The following LDLRAD3 variants were observed in gnomAD, a reference collection of about 807,000 sequenced individuals.
LDLRAD3 encodes the protein low density lipoprotein receptor class A domain containing 3, also known as low-density lipoprotein receptor class A domain-containing protein 3.
LDLRAD3 carries 20 observed loss-of-function variants against 29.4 expected under a neutral mutation model. That is an observed-to-expected ratio of 0.68 (90% CI 0.48 to 0.99). The LOEUF is 0.99. Ranked by LOEUF, LDLRAD3 falls within the 50% of genes least tolerant of loss-of-function variation. The pLI is 0.00. For synonymous variants in LDLRAD3, 157 were observed against 192.7 expected, an observed-to-expected ratio of 0.81 and a Z score of 1.53; for missense variants, 420 against 454.3, an observed-to-expected ratio of 0.92 and a Z score of 0.69.
intron 4 of LDLRAD3, among the ~76,000 whole-genome samples, chr11:36,209,644 C>T (rs1346858421): frequency 6.6e-6 from 1 of 152,088 alleles, no homozygotes; most frequent in African/African-American, 2.4e-5. Context: ...AGGTGTGAAC[C>T]ACCATGCCTG....
At chr11:36,025,449 T>C (rs1487106018) in intron 1 of LDLRAD3, among the ~76,000 whole-genome samples, 6 of 149,616 alleles carry the variant, frequency 4.0e-5, no homozygotes, top group African/African-American at 2.5e-5. Flanking sequence ...AGTGCAGTGG[T>C]GTGATCTCAG....
chr11:36,055,056 TGAATGGGTG>T (rs1485975512), intron 2 of LDLRAD3, among the ~76,000 whole-genome samples: 1 of 22,336 alleles, frequency 4.5e-5, no homozygotes, highest in African/African-American at 1.5e-4. Context: ...GATGGATAGA[TGAATGGGTG>T]GATGGATAGA....
At chr11:36,096,693 C>T (rs964326529) in intron 3 of LDLRAD3, among the ~76,000 whole-genome samples, 6 of 152,358 alleles carry the variant, frequency 3.9e-5, no homozygotes, top group Admixed American at 6.5e-5. Context: ...CTGTGGCTGG[C>T]GTAGCCATAC....
intron 4 of LDLRAD3, among the ~76,000 whole-genome samples, chr11:36,175,514 A>G (rs892736566): frequency 2.6e-5 from 4 of 152,106 alleles, no homozygotes; most frequent in Non-Finnish European, 5.9e-5. Context: ...TTGTATCACT[A>G]TTATTGTTCA....
At chr11:36,030,588 C>T (rs4547071) in intron 1 of LDLRAD3, among the ~76,000 whole-genome samples, 13,009 of 152,144 alleles carry the variant, frequency 0.086, 640 homozygotes, top group South Asian at 0.15. Context: ...TGGGGAGGTT[C>T]TAGACAAGAT....
intron 4 of LDLRAD3, among the ~76,000 whole-genome samples, chr11:36,119,131 C>T (rs746265284): frequency 3.2e-4 from 49 of 152,106 alleles, no homozygotes; most frequent in Admixed American, 9.2e-4. Flanking sequence ...AAGGTTCGTC[C>T]GTAATTTTCT....
chr11:36,067,993 G>A (rs1167477664), intron 2 of LDLRAD3, among the ~76,000 whole-genome samples: 1 of 152,162 alleles, frequency 6.6e-6, no homozygotes, highest in Non-Finnish European at 1.5e-5. Flanking sequence ...AAAGGCAAAT[G>A]TTGATACAGC....
At chr11:36,096,747 G>T (rs1203556165) in intron 3 of LDLRAD3, among the ~76,000 whole-genome samples, 1 of 152,238 alleles carries the variant, frequency 6.6e-6, no homozygotes, top group African/African-American at 2.4e-5. Flanking sequence ...TTGGTTTTAT[G>T]TTCTGCTCTT....
intron 2 of LDLRAD3, among the ~76,000 whole-genome samples, chr11:36,064,479 A>ATTT (rs34464861): frequency 3.0e-4 from 36 of 120,584 alleles, no homozygotes; most frequent in Admixed American, 1.5e-3. Context: ...TGGCTAATTA[A>ATTT]TTTTTTTTTT....
At chr11:35,967,345 C>T (rs1423028038) in intron 1 of LDLRAD3, 3 of 221,510 alleles carry the variant, frequency 1.4e-5, no homozygotes, top group African/African-American at 4.7e-5. Context: ...CTTCTGAGAG[C>T]TCCTGAGGAA....
intron 4 of LDLRAD3, among the ~76,000 whole-genome samples, chr11:36,145,705 C>A (rs1402997302): frequency 6.8e-6 from 1 of 147,676 alleles, no homozygotes; most frequent in African/African-American, 2.7e-5. Flanking sequence ...TGTGACCTTA[C>A]CCCCAACCCT....
chr11:36,203,508 G>A (rs1855157616), intron 4 of LDLRAD3, among the ~76,000 whole-genome samples: 1 of 152,076 alleles, frequency 6.6e-6, no homozygotes, highest in Non-Finnish European at 1.5e-5. Flanking sequence ...TAATGTCCAT[G>A]GGCACCCATC....
intron 4 of LDLRAD3, among the ~76,000 whole-genome samples, chr11:36,159,498 C>G (rs939296579): frequency 6.7e-6 from 1 of 148,806 alleles, no homozygotes; most frequent in Non-Finnish European, 1.5e-5. Flanking sequence ...GATGCGGTGG[C>G]TCACTGCTGT....
chr11:36,013,987 G>A (rs262419), intron 1 of LDLRAD3, among the ~76,000 whole-genome samples: 61,914 of 151,796 alleles, frequency 0.41, 15,512 homozygotes, highest in Non-Finnish European at 0.55. Context: ...AAGATACTTT[G>A]TAAAAAAGTC....
At chr11:36,086,011 G>A (rs945097372) in intron 3 of LDLRAD3, among the ~76,000 whole-genome samples, 17 of 152,090 alleles carry the variant, frequency 1.1e-4, no homozygotes, top group Admixed American at 1.1e-3. Context: ...TCTTTCATCT[G>A]TCATCTCCAG....
At chr11:36,023,489 G>C (rs1054108068) in intron 1 of LDLRAD3, among the ~76,000 whole-genome samples, 3 of 152,300 alleles carry the variant, frequency 2.0e-5, no homozygotes, top group African/African-American at 7.2e-5. Context: ...CTTTTGATGA[G>C]CTGGTTGCTC....
intron 1 of LDLRAD3, among the ~76,000 whole-genome samples, chr11:35,986,381 A>G (rs1056044658): frequency 3.9e-5 from 6 of 152,202 alleles, no homozygotes; most frequent in Non-Finnish European, 8.8e-5. Flanking sequence ...AATATTGTTG[A>G]TGTTCAGGCT....
chr11:36,194,186 T>C (rs1854998382), intron 4 of LDLRAD3, among the ~76,000 whole-genome samples: 1 of 152,068 alleles, frequency 6.6e-6, no homozygotes, highest in Admixed American at 6.6e-5. Flanking sequence ...GCCCCCTGAG[T>C]TGGTATATGC....
intron 1 of LDLRAD3, among the ~76,000 whole-genome samples, chr11:35,981,585 C>G (rs537529740): frequency 2.6e-5 from 4 of 152,296 alleles, no homozygotes; most frequent in African/African-American, 9.6e-5. Flanking sequence ...GAGTACACTT[C>G]TTTAATGTTC....
Sources: gnomAD v4.1 joint callset for allele counts (sites outside exome capture counted in the v4.1 genomes callset) on GRCh38, gnomAD v4.1.1 for gene constraint, MANE v1.5 for transcripts, NCBI Gene and HGNC (gene_info 2026-07-23, HGNC 2026-07-21) for gene names.